Variants in RAB40B observed in about 807,000 individuals in gnomAD.
RAB40B encodes the protein ras-related protein Rab-40B.
In RAB40B, 21 loss-of-function variants were observed where a neutral mutation model predicts 24.0. That is an observed-to-expected ratio of 0.88 (90% CI 0.62 to 1.26). RAB40B has a LOEUF of 1.26. Ranked by LOEUF, RAB40B falls within the 50% of genes most tolerant of loss-of-function variation. The pLI is 0.00. For missense variants in RAB40B, 348 were observed against 390.5 expected, an observed-to-expected ratio of 0.89 and a Z score of 0.92; for synonymous variants, 167 against 169.8, an observed-to-expected ratio of 0.98 and a Z score of 0.13.
chr17:82,681,105 T>G (rs2046445849), intron 1 of RAB40B, among the ~76,000 whole-genome samples: 1 of 135,398 alleles, frequency 7.4e-6, no homozygotes, highest in Non-Finnish European at 1.6e-5. Context: ...TGAAGGCAAA[T>G]ATATCTGCTT....
At chr17:82,660,429 C>G (rs1176689082) in intron 3 of RAB40B, among the ~76,000 whole-genome samples, 2 of 151,386 alleles carry the variant, frequency 1.3e-5, no homozygotes, top group Non-Finnish European at 2.9e-5. Flanking sequence ...CGTGTAAACA[C>G]ACGCACAGGC....
chr17:82,694,726 C>T (rs1268040274), intron 1 of RAB40B, among the ~76,000 whole-genome samples: 1 of 151,682 alleles, frequency 6.6e-6, no homozygotes, highest in Non-Finnish European at 1.5e-5. Context: ...GGGGAAAAAT[C>T]AGCTGACCTC....
At chr17:82,661,072 A>G (rs1328679169) in intron 2 of RAB40B, 25 bp from the exon 3 acceptor site, 1 of 1,613,302 alleles carries the variant, frequency 6.2e-7, no homozygotes, top group Non-Finnish European at 8.5e-7. Context: ...GGAGACCATT[A>G]AGAAGAAACC....
At chr17:82,693,859 G>C (rs1341322117) in intron 1 of RAB40B, among the ~76,000 whole-genome samples, 1 of 151,798 alleles carries the variant, frequency 6.6e-6, no homozygotes. Flanking sequence ...GAGGCGGGCA[G>C]ATCACCTTAG....
intron 1 of RAB40B, among the ~76,000 whole-genome samples, chr17:82,687,852 G>A (rs1304339794): frequency 6.6e-6 from 1 of 152,138 alleles, no homozygotes; most frequent in Non-Finnish European, 1.5e-5. Context: ...CAGGAGGATC[G>A]CTTGAGCCCA....
intron 1 of RAB40B, among the ~76,000 whole-genome samples, chr17:82,694,311 C>A (rs1021777715): frequency 6.6e-6 from 1 of 151,440 alleles, no homozygotes; most frequent in African/African-American, 2.4e-5. Flanking sequence ...AAGCAGATCA[C>A]CTGAGGTTAG....
chr17:82,657,967 T>C lies in RAB40B; in HGVS notation c.733A>G (p.Thr245Ala), dbSNP rs762084890. ...CTGCTCCTTTTGTGGGTGGAGCTGG[T>C]GGTGAGGGAGTAGGAACCGCCGTGC... ...MMHGGSYSLT[T>A]SSTHKRSSLR... is the part of the protein sequence containing the mutation. Residue 245 changes from threonine (T) to alanine (A), a missense_variant, in exon 6 of 6, where the codon ACC becomes GCC. Transcript: ENST00000571995. 1 of 1,613,774 alleles carries C rather than the reference T, an allele frequency of 6.2e-7. No homozygotes were observed. The highest frequency in any genetic ancestry group is 1.1e-5 in the South Asian group (1 of 91,068).
Position 82,698,526 on chromosome 17 carries a change from T to A in RAB40B, c.71A>T (p.Asp24Val). The A allele has an allele frequency of 6.5e-7, 1 of 1,529,710 alleles. No individual in the cohort carries two copies. The highest frequency in any genetic ancestry group is 8.8e-7 in the Non-Finnish European group (1 of 1,134,070). The allele number at this position is 1,529,710 out of a possible 1,614,324, so 94.8% of individuals were successfully genotyped here. ...CGCCAGGATCTCGCCCTTGCCCACG[T>A]CGCTGTCGCCCACCAGCAGGAACTT... ...LLKFLLVGDSDVGKGEILASL... is the reference protein window; with the variant it reads ...LLKFLLVGDSVVGKGEILASL... The change falls in exon 1 of 6, where the codon GAC becomes GTC. Residue 24 changes from aspartate (D) to valine (V), a missense_variant. This residue lies in a region of RAB40B where 101 missense variants were observed against 85.5 expected (regional missense o/e 1.18). Coordinates refer to ENST00000571995, the MANE Select transcript of RAB40B (RefSeq NM_006822.3).
In RAB40B at chr17:82,667,556, G is replaced by C. The variant is rs538767343; in HGVS notation, c.143-3000C>G. 1.3e-5 allele frequency among the ~76,000 whole-genome samples: 2 copies of C among 152,174 alleles called. No homozygotes were observed. Among genetic ancestry groups the C allele is most frequent in the African/African-American group, 4.8e-5 (2 of 41,508 alleles). ...CCTGCCCCCTTCCTGGACTCCAGAG[G>C]CTCTTTCTGTGGTGCCACCAGAGCC... On this transcript the variant is annotated intron_variant, in intron 1 of 5. Transcript: ENST00000571995. The surrounding 1 kb of genome is among the most constrained non-coding windows in gnomAD (Gnocchi z 4.3).
rs1317917055 is a variant in RAB40B at position 82,655,855 on chromosome 17, C to T, written c.*2008G>A. On this transcript the variant is annotated 3_prime_UTR_variant, in exon 6 of 6. Coordinates refer to ENST00000571995, the MANE Select transcript of RAB40B (RefSeq NM_006822.3). ...CCAGACACCCCCAAGCCTGGGTCCA[C>T]CCGCAGGGACCAGTGCTCCTCTCTC... The T allele has an allele frequency of 1.3e-5, 2 of 152,232 alleles. No homozygotes were observed. Among genetic ancestry groups the T allele is most frequent in the African/African-American group, 2.4e-5 (1 of 41,450 alleles). 9.4% of individuals were successfully genotyped at this position (152,232 alleles called of 1,614,324 possible). A position where few individuals can be genotyped will look rare whatever the true frequency, so the allele number is the denominator to read the frequency against.
intron 1 of RAB40B, among the ~76,000 whole-genome samples, chr17:82,668,651 G>A (rs868211768): frequency 2.0e-5 from 3 of 152,384 alleles, no homozygotes; most frequent in African/African-American, 7.2e-5. Flanking sequence ...TGTGCTCCAC[G>A]ACTGGAGCGG....
chr17:82,667,177 C>T lies in RAB40B; in HGVS notation c.143-2621G>A, dbSNP rs942580820. Among the ~76,000 whole-genome samples the T allele has an allele frequency of 2.0e-5, 3 of 152,250 alleles. No individual in the cohort carries two copies. Among genetic ancestry groups the T allele is most frequent in the Non-Finnish European group, 4.4e-5 (3 of 68,044 alleles). Reference sequence around the variant, plus strand: ...GGTTCTCAAGCAGCTTCTGCCCCCTCGAAGGGTCTAGAACCCTTGGACTTG... The same window carrying T: ...GGTTCTCAAGCAGCTTCTGCCCCCTTGAAGGGTCTAGAACCCTTGGACTTG... On this transcript the variant is annotated intron_variant, in intron 1 of 5. Coordinates refer to ENST00000571995, the MANE Select transcript of RAB40B (RefSeq NM_006822.3). This position sits in a 1 kb window ranked among gnomAD's most constrained non-coding sequence, Gnocchi z 4.3.
chr17:82,665,452 CTA>C (rs762040110), intron 1 of RAB40B, among the ~76,000 whole-genome samples: 6 of 152,156 alleles, frequency 3.9e-5, no homozygotes, highest in Non-Finnish European at 7.4e-5. Context: ...CGGGGTTTCG[CTA>C]TGTTTCCCAG....
intron 2 of RAB40B, chr17:82,661,791 G>T: frequency 4.8e-6 from 2 of 418,770 alleles, no homozygotes; most frequent in Non-Finnish European, 6.4e-6. Flanking sequence ...GAAGGCTGAG[G>T]CAGGAGAATT....
At chr17:82,665,282 T>C (rs193118509) in intron 1 of RAB40B, among the ~76,000 whole-genome samples, 1 of 150,544 alleles carries the variant, frequency 6.6e-6, no homozygotes, top group East Asian at 2.0e-4. Flanking sequence ...AGACAGAGTT[T>C]CTCTCTGTCG....
At chr17:82,659,551 T>C (rs183429148) in intron 4 of RAB40B, 29 bp downstream of exon 4, 75 of 1,606,008 alleles carry the variant, frequency 4.7e-5, no homozygotes, top group Middle Eastern at 3.3e-4. Context: ...CCTACAGGGA[T>C]CTTGGGCAGT....
chr17:82,679,877 C>T (rs562602429), intron 1 of RAB40B, among the ~76,000 whole-genome samples: 6 of 120,810 alleles, frequency 5.0e-5, no homozygotes, highest in African/African-American at 1.9e-4. Flanking sequence ...AGCTGCTGCC[C>T]GAGCAGGCTG....
At position 82,658,054 on chromosome 17, in the gene RAB40B, T is replaced by C. The variant is rs1411286187; in HGVS notation, c.646A>G (p.Ile216Val). 5 of 1,614,128 alleles carry C rather than the reference T, an allele frequency of 3.1e-6. No individual in the cohort carries two copies. Among genetic ancestry groups the C allele is most frequent in the Non-Finnish European group, 4.2e-6 (5 of 1,180,032 alleles). The change falls in exon 6 of 6, where the codon ATT becomes GTT. Residue 216 changes from isoleucine (I) to valine (V), a missense_variant. By Grantham distance (29) the Ile-to-Val change is conservative. Transcript: ENST00000571995. ...VHLVDKLPLP[I>V]ALRSHLKSFS... ...GACTTGAGGTGGCTTCTTAAGGCAATGGGGAGCGGGAGCTTGTCCACCAGG... is the reference window on the plus strand; with the variant it reads ...GACTTGAGGTGGCTTCTTAAGGCAACGGGGAGCGGGAGCTTGTCCACCAGG...
rs1236008069 is a variant in RAB40B at position 82,656,533 on chromosome 17, A to G, written c.*1330T>C. 6.6e-6 allele frequency: 1 copy of G among 152,162 alleles called. No individual in the cohort carries two copies. Among genetic ancestry groups the G allele is most frequent in the African/African-American group, 2.4e-5 (1 of 41,426 alleles). The allele number at this position is 152,162 out of a possible 1,614,324, so 9.4% of individuals were successfully genotyped here. A position where few individuals can be genotyped will look rare whatever the true frequency, so the allele number is the denominator to read the frequency against. On this transcript the variant is annotated 3_prime_UTR_variant, in exon 6 of 6. Transcript: ENST00000571995. Reference sequence around the variant, plus strand: ...CGGCTCTGATTTCTCAGACAGGCACATGCCTGGGTGCCAGCTTTTAACTCT... The same window carrying G: ...CGGCTCTGATTTCTCAGACAGGCACGTGCCTGGGTGCCAGCTTTTAACTCT...
Sources: gnomAD v4.1 joint callset for allele counts (sites outside exome capture counted in the v4.1 genomes callset) on GRCh38, gnomAD v4.1.1 for gene constraint, gnomAD v4.1.1 regional missense constraint, Gnocchi (gnomAD v3.1) non-coding constraint, MANE v1.5 for transcripts, NCBI Gene and HGNC (gene_info 2026-07-23, HGNC 2026-07-21) for gene names.